Variants in ATAD1 observed in about 807,000 individuals in gnomAD.
The protein encoded by ATAD1 is outer mitochondrial transmembrane helix translocase.
Under a neutral mutation model 42.7 loss-of-function variants are expected in ATAD1, and 18 were observed. That is an observed-to-expected ratio of 0.42 (90% CI 0.29 to 0.63). The LOEUF is 0.63. Among genes scored for constraint, ATAD1 ranks in the 20% least tolerant of loss-of-function variants. ATAD1 has a pLI of 0.19. For missense variants in ATAD1, 294 were observed against 440.4 expected (o/e 0.67, Z 2.98); for synonymous variants, 132 against 143.1 (o/e 0.92, Z 0.55).
At chr10:87,767,877 A>G (rs1854838311) in intron 7 of ATAD1, among the ~76,000 whole-genome samples, 154 bp from the exon 8 acceptor site, 1 of 152,148 alleles carries the variant, frequency 6.6e-6, no homozygotes. Context: ...ACTAGATTCA[A>G]GGCTCTAGAG....
intron 1 of ATAD1, among the ~76,000 whole-genome samples, chr10:87,837,782 G>A (rs368413778): frequency 2.6e-5 from 4 of 152,070 alleles, no homozygotes; most frequent in African/African-American, 9.7e-5. Context: ...ACCCTCCTGA[G>A]GCCCCAACTT....
intron 5 of ATAD1, among the ~76,000 whole-genome samples, chr10:87,780,418 C>T (rs555902366): frequency 6.6e-6 from 1 of 152,034 alleles, no homozygotes; most frequent in South Asian, 2.1e-4. Context: ...AAGAATGAAC[C>T]TTAAACTATG....
At chr10:87,767,578 A>G in intron 8 of ATAD1, 95 bp downstream of exon 8, 6 of 1,133,884 alleles carry the variant, frequency 5.3e-6, no homozygotes, top group Non-Finnish European at 7.9e-6. Context: ...TCCTTGGGGT[A>G]TATCATTCTC....
chr10:87,825,857 A>G lies in ATAD1; in HGVS notation c.-13-11245T>C, dbSNP rs139139879. Among the ~76,000 whole-genome samples the G allele has an allele frequency of 1.4e-4, 21 of 151,982 alleles. No individual in the cohort carries two copies. In the East Asian group the frequency reaches 2.9e-3, roughly 21 times the overall value. On this transcript the variant is annotated intron_variant, in intron 1 of 4. Coordinates refer to the ATAD1 transcript ENST00000495903. ...ACTGGGATTACAGGTAGGAGCCACCATGCCCAGCCAAGTACAACACATTTT... is the reference window on the plus strand; with the variant it reads ...ACTGGGATTACAGGTAGGAGCCACCGTGCCCAGCCAAGTACAACACATTTT...
intron 8 of ATAD1, among the ~76,000 whole-genome samples, chr10:87,762,878 G>A (rs1854549764): frequency 7.2e-6 from 1 of 139,692 alleles, no homozygotes. Context: ...AGACCAGCCT[G>A]ATCAACATGG....
intron 5 of ATAD1, among the ~76,000 whole-genome samples, chr10:87,783,329 G>A (rs765831769): frequency 3.3e-5 from 5 of 151,534 alleles, no homozygotes; most frequent in African/African-American, 4.9e-5. Context: ...CCATGATCAC[G>A]CCACTGCATT....
At chr10:87,817,160 G>A (rs1170247940) in intron 1 of ATAD1, among the ~76,000 whole-genome samples, 1 of 152,136 alleles carries the variant, frequency 6.6e-6, no homozygotes, top group Non-Finnish European at 1.5e-5. Flanking sequence ...TTGTTTTGTA[G>A]ACTGTAACTA....
intron 1 of ATAD1, among the ~76,000 whole-genome samples, chr10:87,825,629 T>C (rs922551553): frequency 2.0e-5 from 3 of 151,942 alleles, no homozygotes; most frequent in South Asian, 2.1e-4. Flanking sequence ...ACCTTCCTAT[T>C]AACCTCAGGG....
At chr10:87,793,427 A>T (rs1478304367) in intron 2 of ATAD1, among the ~76,000 whole-genome samples, 1 of 152,228 alleles carries the variant, frequency 6.6e-6, no homozygotes, top group Non-Finnish European at 1.5e-5. Context: ...GAGTGTGCCA[A>T]ATATTATGCC....
intron 1 of ATAD1, 22 bp from the exon 2 acceptor site, chr10:87,814,634 G>T (rs75342429): frequency 1.5e-5 from 24 of 1,557,026 alleles, no homozygotes; most frequent in Non-Finnish European, 1.9e-5. Flanking sequence ...AAACAGAAAT[G>T]TCACTAGGTA....
At chr10:87,770,671 T>A (rs1455116711) in intron 7 of ATAD1, among the ~76,000 whole-genome samples, 1 of 152,210 alleles carries the variant, frequency 6.6e-6, no homozygotes, top group Non-Finnish European at 1.5e-5. Context: ...TGTATCTTCC[T>A]GTATAGATGA....
At position 87,784,611 on chromosome 10, in the gene ATAD1, T is replaced by C; in HGVS notation, c.442A>G (p.Lys148Glu). ...TTAATAAATCGACAGCCTGCTTCTTTGGCTGTGGCCTTGGCAATCAACGTT... is the reference window on the plus strand; with the variant it reads ...TTAATAAATCGACAGCCTGCTTCTTCGGCTGTGGCCTTGGCAATCAACGTT... ...GKTLIAKATAKEAGCRFINLQ... is the reference protein window; with the variant it reads ...GKTLIAKATAEEAGCRFINLQ... Residue 148 changes from lysine to glutamate, a missense_variant, in exon 5 of 10, where the codon AAA (lysine) becomes GAA (glutamate). Coordinates refer to ENST00000680024, the MANE Select transcript of ATAD1 (RefSeq NM_001321967.2). 6.2e-7 allele frequency: 1 copy of C among 1,613,356 alleles called. No individual in the cohort carries two copies. The highest frequency in any genetic ancestry group is 8.5e-7 in the Non-Finnish European group (1 of 1,179,898).
chr10:87,832,674 T>G (rs958754022), intron 1 of ATAD1: 3 of 152,102 alleles, frequency 2.0e-5, no homozygotes, highest in Non-Finnish European at 4.4e-5. Context: ...TATATAAAAT[T>G]TAAAATACAA....
chr10:87,831,697 A>G (rs925999040), intron 1 of ATAD1, among the ~76,000 whole-genome samples: 4 of 152,234 alleles, frequency 2.6e-5, no homozygotes, highest in Non-Finnish European at 4.4e-5. Context: ...TAAATTCCCT[A>G]TGATACAACA....
At chr10:87,756,713 A>T (rs1854237793) in intron 9 of ATAD1, 76 bp downstream of exon 9, 3 of 1,387,828 alleles carry the variant, frequency 2.2e-6, no homozygotes, top group Non-Finnish European at 9.6e-7. Context: ...TCTAATATAA[A>T]GCAAAATAAA....
intron 2 of ATAD1, among the ~76,000 whole-genome samples, chr10:87,801,052 C>T (rs1411406116): frequency 1.3e-5 from 2 of 152,152 alleles, no homozygotes; most frequent in African/African-American, 4.8e-5. Context: ...GTTATAAATG[C>T]TGTGAAAGGC....
In ATAD1 at chr10:87,767,711, T is replaced by C; in HGVS notation, c.793A>G (p.Arg265Gly). The C allele has an allele frequency of 1.9e-6, 3 of 1,610,854 alleles. No homozygotes were observed. Among genetic ancestry groups the C allele is most frequent in the Non-Finnish European group, 2.5e-6 (3 of 1,178,998 alleles). Residue 265 changes from arginine to glycine, a missense_variant, in exon 8 of 10, where the codon AGA (arginine) becomes GGA (glycine). By Grantham distance (125) the Arg-to-Gly change is moderately radical. Coordinates refer to ENST00000680024, the MANE Select transcript of ATAD1 (RefSeq NM_001321967.2). ...AAGATGAGTTTCAGGATTGCTTCTCTCTGTTTTAAAGCCTAAAAGCAGGAT... is the reference window on the plus strand; with the variant it reads ...AAGATGAGTTTCAGGATTGCTTCTCCCTGTTTTAAAGCCTAAAAGCAGGAT... ...FHINQPALKQ[R>G]EAILKLILKN...
intron 8 of ATAD1, among the ~76,000 whole-genome samples, chr10:87,759,140 T>G (rs955367240): frequency 6.6e-6 from 1 of 152,204 alleles, no homozygotes; most frequent in Non-Finnish European, 1.5e-5. Context: ...TGAGAAACTC[T>G]TCTCATGTGT....
chr10:87,790,292 T>C lies in ATAD1; in HGVS notation c.382+18A>G, dbSNP rs1413385848. The C allele has an allele frequency of 1.2e-6, 2 of 1,604,720 alleles. No homozygotes were observed. Among genetic ancestry groups the C allele is most frequent in the Admixed American group, 3.5e-5 (2 of 57,046 alleles). On this transcript the variant is annotated intron_variant, in intron 4 of 9. Transcript: ENST00000680024. ...CTAGGATTTTAATGCTTTAGGCGAA[T>C]ATATACCTTTACCATACCTTTTGGA...
Sources: allele counts gnomAD v4.1 joint callset (sites outside exome capture counted in the v4.1 genomes callset), GRCh38; gene constraint gnomAD v4.1.1; transcripts MANE v1.5; gene names NCBI Gene and HGNC (gene_info 2026-07-23, HGNC 2026-07-21).